The following VPS53 variants were observed in gnomAD, a reference collection of about 807,000 sequenced individuals.
The protein encoded by VPS53 is vacuolar protein sorting-associated protein 53 homolog.
In VPS53, 70 loss-of-function variants were observed where a neutral mutation model predicts 107.0. The observed-to-expected ratio is 0.65, with a 90% CI of 0.54 to 0.80. The LOEUF (loss-of-function observed/expected upper bound fraction) is 0.80, where lower values mean the gene tolerates loss of function less well. Ranked by LOEUF, VPS53 falls within the 30% of genes least tolerant of loss-of-function variation. VPS53 has a pLI of 0.00. For missense variants in VPS53, 917 were observed against 1,049.4 expected (o/e 0.87, Z 1.74); for synonymous variants, 409 against 393.3 (o/e 1.04, Z -0.47).
intron 5 of VPS53, chr17:657,493 TC>T: frequency 6.8e-7 from 1 of 1,479,388 alleles, no homozygotes; most frequent in Non-Finnish European, 9.4e-7. Context: ...TTATCCAGCA[TC>T]CAATGCTTTG....
chr17:624,172 C>T (rs1969590183), intron 10 of VPS53, among the ~76,000 whole-genome samples: 1 of 152,018 alleles, frequency 6.6e-6, no homozygotes, highest in African/African-American at 2.4e-5. Context: ...ATAGTTACTA[C>T]GTTGCCTGTA....
At chr17:709,945 G>A (rs1052875942) in intron 2 of VPS53, among the ~76,000 whole-genome samples, 2 of 152,136 alleles carry the variant, frequency 1.3e-5, no homozygotes, top group African/African-American at 2.4e-5. Context: ...AGGAGTTTGA[G>A]ACCAGCCTGG....
intron 11 of VPS53, among the ~76,000 whole-genome samples, chr17:602,156 C>T (rs1055932148): frequency 2.6e-5 from 4 of 152,226 alleles, no homozygotes; most frequent in South Asian, 2.1e-4. Flanking sequence ...ACCGGAACTC[C>T]GTTCTGCTGG....
chr17:696,849 G>A (rs1050612031), intron 4 of VPS53, among the ~76,000 whole-genome samples: 2 of 138,416 alleles, frequency 1.4e-5, no homozygotes, highest in African/African-American at 5.5e-5. Flanking sequence ...CTGGAGTGCA[G>A]CGGTGCAATC....
chr17:537,209 C>G (rs1201248197), intron 17 of VPS53, 33 bp from the exon 18 acceptor site: 1 of 1,610,798 alleles, frequency 6.2e-7, no homozygotes, highest in Non-Finnish European at 8.5e-7. Context: ...CGTTGAATCC[C>G]TCGCAGGAGA....
At chr17:577,450 C>G (rs970564041) in intron 13 of VPS53, among the ~76,000 whole-genome samples, 1 of 151,530 alleles carries the variant, frequency 6.6e-6, no homozygotes, top group Non-Finnish European at 1.5e-5. Flanking sequence ...GAACCCCCAA[C>G]AGAATCTCAG....
intron 8 of VPS53, among the ~76,000 whole-genome samples, 195 bp from the exon 9 acceptor site, chr17:628,426 AG>A (rs1597401145): frequency 2.0e-5 from 3 of 152,368 alleles, no homozygotes; most frequent in African/African-American, 7.2e-5. Flanking sequence ...CTCGTTTTAC[AG>A]CAAGCGACAG....
intron 4 of VPS53, among the ~76,000 whole-genome samples, chr17:677,343 A>G (rs1290674901): frequency 1.3e-5 from 2 of 152,232 alleles, no homozygotes; most frequent in Non-Finnish European, 2.9e-5. Flanking sequence ...AATACACCAG[A>G]TACAAAGGGT....
At chr17:544,463 T>G (rs937934797) in intron 17 of VPS53, among the ~76,000 whole-genome samples, 1 of 152,134 alleles carries the variant, frequency 6.6e-6, no homozygotes, top group African/African-American at 2.4e-5. Flanking sequence ...GTTGCCACAT[T>G]TGCCAAAAAG....
intron 13 of VPS53, among the ~76,000 whole-genome samples, chr17:569,684 C>G (rs777191010): frequency 6.6e-6 from 1 of 151,926 alleles, no homozygotes; most frequent in Admixed American, 6.6e-5. Context: ...CTAGGGAGGC[C>G]GAGGTGGGCA....
chr17:648,223 C>T (rs918936025), intron 7 of VPS53, among the ~76,000 whole-genome samples: 1 of 152,190 alleles, frequency 6.6e-6, no homozygotes, highest in South Asian at 2.1e-4. Context: ...AGTAAAAGAG[C>T]ATTCTTGATC....
intron 4 of VPS53, among the ~76,000 whole-genome samples, chr17:666,307 C>T (rs1192342946): frequency 1.3e-5 from 2 of 152,182 alleles, no homozygotes; most frequent in African/African-American, 4.8e-5. Flanking sequence ...ATGGGTGTTA[C>T]AGAAGCCAAA....
rs779864587 is a variant in VPS53, at chr17:562,678, T to C, written c.1381A>G (p.Thr461Ala). The C allele has an allele frequency of 2.5e-6, 4 of 1,613,658 alleles. No individual in the cohort carries two copies. Among genetic ancestry groups the C allele is most frequent in the Non-Finnish European group, 3.4e-6 (4 of 1,179,958 alleles). ...GGGAGCACGGCACCCCCTTCATCAG[T>C]GTTGGGCTTAGGTGGCCCCTGGGCT... ...FKAQGPPKPNTDEGGAVLPSC... is the reference protein window; with the variant it reads ...FKAQGPPKPNADEGGAVLPSC... Residue 461 changes from threonine (T) to alanine (A), a missense_variant, in exon 14 of 22, where the codon ACT (threonine) becomes GCT (alanine). Transcript: ENST00000437048.
chr17:623,746 C>T, intron 10 of VPS53, 72 bp from the exon 11 acceptor site: 1 of 1,462,488 alleles, frequency 6.8e-7, no homozygotes, highest in Non-Finnish European at 9.1e-7. Flanking sequence ...GGTAAATGGC[C>T]TTAGCTTATA....
chr17:709,150 C>T (rs1399677162), intron 2 of VPS53, among the ~76,000 whole-genome samples: 1 of 151,966 alleles, frequency 6.6e-6, no homozygotes, highest in Non-Finnish European at 1.5e-5. Context: ...CCGCAGCACG[C>T]TCTGTCACGG....
At chr17:617,778 G>T in intron 11 of VPS53, among the ~76,000 whole-genome samples, 1 of 145,324 alleles carries the variant, frequency 6.9e-6, no homozygotes, top group Non-Finnish European at 1.5e-5. Context: ...ATATTTCCCG[G>T]GTAGCTGGGA....
At chr17:707,108 G>A (rs1303264335) in intron 2 of VPS53, among the ~76,000 whole-genome samples, 3 of 152,150 alleles carry the variant, frequency 2.0e-5, no homozygotes, top group Admixed American at 2.0e-4. Flanking sequence ...AAACACTGAA[G>A]CCTCTATGTT....
intron 15 of VPS53, among the ~76,000 whole-genome samples, chr17:560,198 T>C (rs142614691): frequency 9.2e-5 from 14 of 152,270 alleles, no homozygotes; most frequent in Non-Finnish European, 1.3e-4. Flanking sequence ...TCCAGGGAGG[T>C]GACCAGTCAT....
chr17:610,110 G>A (rs184749954), intron 11 of VPS53, among the ~76,000 whole-genome samples: 2,339 of 149,130 alleles, frequency 0.016, 24 homozygotes, highest in Middle Eastern at 0.031. Flanking sequence ...GAGCCTGGGC[G>A]ACAGAGTGAG....
Sources: gnomAD v4.1 joint callset for allele counts (sites outside exome capture counted in the v4.1 genomes callset) on GRCh38, gnomAD v4.1.1 for gene constraint, MANE v1.5 for transcripts, NCBI Gene and HGNC (gene_info 2026-07-23, HGNC 2026-07-21) for gene names.